NCF2: variants seen among roughly 807,000 people sequenced by gnomAD.
The protein encoded by NCF2 is neutrophil cytosol factor 2.
NCF2 carries 45 observed loss-of-function variants against 70.9 expected under a neutral mutation model. That is an observed-to-expected ratio of 0.63 (90% CI 0.50 to 0.81). NCF2 has a LOEUF of 0.81. Ranked by LOEUF, NCF2 falls within the 40% of genes least tolerant of loss-of-function variation. NCF2 has a pLI of 0.00. For synonymous variants in NCF2, 203 were observed against 233.6 expected (o/e 0.87, Z 1.19); for missense variants, 522 against 631.6 (o/e 0.83, Z 1.86).
At chr1:183,563,939 C>T in intron 11 of NCF2, 66 bp downstream of exon 11, 1 of 1,513,250 alleles carries the variant, frequency 6.6e-7, no homozygotes, top group Non-Finnish European at 9.2e-7. Flanking sequence ...ACAGACATGT[C>T]TGTGGTTGAT....
At chr1:183,572,152 C>T (rs1393305444) in intron 5 of NCF2, among the ~76,000 whole-genome samples, 3 of 152,134 alleles carry the variant, frequency 2.0e-5, no homozygotes, top group Admixed American at 6.5e-5. Flanking sequence ...CACTTCAGAC[C>T]ATGTCTGAAA....
At chr1:183,559,474 G>GTATGCATATCACATGCATATCAC (rs1325793036) in intron 14 of NCF2, among the ~76,000 whole-genome samples, 1 of 152,226 alleles carries the variant, frequency 6.6e-6, no homozygotes, top group Non-Finnish European at 1.5e-5. Context: ...CATACAGCTT[G>GTATGCATATCACATGCATATCAC]ATGCAAAGGC....
At chr1:183,599,809 T>C in the NCF2 span, among the ~76,000 whole-genome samples, 1 of 152,096 alleles carries the variant, frequency 6.6e-6, no homozygotes, top group South Asian at 2.1e-4. Context: ...CACCTCAGCC[T>C]CCCAAAATGC....
At chr1:183,580,067 A>G (rs2102918158) in intron 2 of NCF2, among the ~76,000 whole-genome samples, 1 of 152,316 alleles carries the variant, frequency 6.6e-6, no homozygotes, top group South Asian at 2.1e-4. Flanking sequence ...GTTGGCCAAG[A>G]GAGTCATAAG....
At chr1:183,574,770 T>G in intron 3 of NCF2, 149 bp from the exon 4 acceptor site, 1 of 956,594 alleles carries the variant, frequency 1.0e-6, no homozygotes, top group Non-Finnish European at 1.6e-6. Context: ...ATAGTGCAAT[T>G]AGTCTTGCTA....
intron 10 of NCF2, 61 bp from the exon 11 acceptor site, chr1:183,564,091 C>T: frequency 6.6e-7 from 1 of 1,509,490 alleles, no homozygotes; most frequent in Non-Finnish European, 9.2e-7. Flanking sequence ...CCTTGGCCAG[C>T]CCCTGCCACA....
chr1:183,593,141 C>A (rs912244336), upstream of NCF2, among the ~76,000 whole-genome samples: 1 of 152,138 alleles, frequency 6.6e-6, no homozygotes, highest in Non-Finnish European at 1.5e-5. Context: ...GTCTTAGCAC[C>A]TCAAATAGTG....
intron 3 of NCF2, among the ~76,000 whole-genome samples, chr1:183,574,920 A>T (rs1672729867): frequency 6.6e-6 from 1 of 152,120 alleles, no homozygotes; most frequent in Non-Finnish European, 1.5e-5. Flanking sequence ...AAACCAGGTT[A>T]AAAAAAAGAA....
the NCF2 span, among the ~76,000 whole-genome samples, chr1:183,599,474 CTTTCTTTCTCT>C: frequency 2.2e-5 from 3 of 136,962 alleles, no homozygotes; most frequent in African/African-American, 8.6e-5. Flanking sequence ...TTCTTTCTTT[CTTTCTTTCTCT>C]TTTCTTTCTT....
chr1:183,560,355 T>A, intron 13 of NCF2, 82 bp from the exon 14 acceptor site: 1 of 1,479,066 alleles, frequency 6.8e-7, no homozygotes, highest in Non-Finnish European at 9.4e-7. Flanking sequence ...CAGCGAAATG[T>A]CAAAGTAGAA....
At chr1:183,565,832 G>A in intron 9 of NCF2, 53 bp from the exon 10 acceptor site, 1 of 1,580,894 alleles carries the variant, frequency 6.3e-7, no homozygotes, top group Non-Finnish European at 8.7e-7. Flanking sequence ...TTCCCAGGCA[G>A]GGGTGGATGT....
In NCF2 at chr1:183,588,420, A is replaced by C. The variant is rs1180938695; in HGVS notation, c.175-1443T>G. On this transcript the variant is annotated intron_variant, in intron 1 of 14. Coordinates refer to ENST00000367535, the MANE Select transcript of NCF2 (RefSeq NM_000433.4). The stretch of plus-strand genomic sequence containing the variant: ...AACCCAGGAGGCAGAGGTTGCAGTG[A>C]GCCGAGATTGCACCACTGCACTCCA... Among the ~76,000 whole-genome samples the C allele has an allele frequency of 2.7e-5, 4 of 150,788 alleles. No individual in the cohort carries two copies. The East Asian group carries it at 7.8e-4, about 29-fold the overall frequency.
chr1:183,589,569 G>A (rs1189191869), intron 1 of NCF2, among the ~76,000 whole-genome samples: 1 of 152,186 alleles, frequency 6.6e-6, no homozygotes, highest in Non-Finnish European at 1.5e-5. Flanking sequence ...AAAGATGCGA[G>A]ACATCCCACA....
chr1:183,563,737 C>T, intron 11 of NCF2, 152 bp from the exon 12 acceptor site: 3 of 965,868 alleles, frequency 3.1e-6, no homozygotes, highest in Non-Finnish European at 4.8e-6. Context: ...GCCTAAAAGG[C>T]CTTCAGAGGT....
At chr1:183,581,557 G>A (rs1269066232) in intron 2 of NCF2, among the ~76,000 whole-genome samples, 1 of 151,902 alleles carries the variant, frequency 6.6e-6, no homozygotes, top group East Asian at 1.9e-4. Flanking sequence ...TCGAACTCCT[G>A]GGTTCAAGCA....
At chr1:183,594,267 G>T (rs1372583616), upstream of NCF2, among the ~76,000 whole-genome samples, 4 of 144,612 alleles carry the variant, frequency 2.8e-5, no homozygotes, top group Non-Finnish European at 4.6e-5. Flanking sequence ...AATTAGCCAG[G>T]CATGGTGGCA....
rs137854513 is a variant in NCF2 at position 183,563,507 on chromosome 1, C to G, written c.1105G>C (p.Gly369Arg). Residue 369 changes from glycine to arginine, a missense_variant, in exon 12 of 15, where the codon GGG (glycine) becomes CGG (arginine). Coordinates refer to ENST00000367535, the MANE Select transcript of NCF2 (RefSeq NM_000433.4). ...KYTVVMKTQP[G>R]LPYSQVRDMV... ...TCCCGGACCTGGCTGTAGGGGAGCCCGGGCTGAGTCTTCATGACTACCGTG... is the reference window on the plus strand; with the variant it reads ...TCCCGGACCTGGCTGTAGGGGAGCCGGGGCTGAGTCTTCATGACTACCGTG... 1.2e-6 allele frequency: 2 copies of G among 1,614,104 alleles called. No individual in the cohort carries two copies. Among genetic ancestry groups the G allele is most frequent in the South Asian group, 2.2e-5 (2 of 91,088 alleles).
chr1:183,589,436 C>T (rs1043448139), intron 1 of NCF2, among the ~76,000 whole-genome samples: 1 of 152,200 alleles, frequency 6.6e-6, no homozygotes, highest in Non-Finnish European at 1.5e-5. Flanking sequence ...GGCTAGGATT[C>T]GATCCTAGAT....
At chr1:183,593,860 A>G (rs1431329386), upstream of NCF2, among the ~76,000 whole-genome samples, 1 of 152,164 alleles carries the variant, frequency 6.6e-6, no homozygotes, top group East Asian at 1.9e-4. Context: ...TCCTGAAGCC[A>G]TGCGCTTCAG....
Sources: allele counts gnomAD v4.1 joint callset (sites outside exome capture counted in the v4.1 genomes callset), GRCh38; gene constraint gnomAD v4.1.1; transcripts MANE v1.5; gene names NCBI Gene and HGNC (gene_info 2026-07-23, HGNC 2026-07-21).